The following PCDH11X variants were observed in gnomAD, a reference collection of about 807,000 sequenced individuals.
The protein encoded by PCDH11X is protocadherin-11 X-linked.
A neutral mutation model predicts 53.3 loss-of-function variants in PCDH11X; 18 were observed. The ratio of observed to expected loss-of-function variants is 0.34; its 90% confidence interval spans 0.23 to 0.50. The LOEUF (loss-of-function observed/expected upper bound fraction) is 0.50. Among genes scored for constraint, PCDH11X ranks in the 20% least tolerant of loss-of-function variants. The probability of loss-of-function intolerance (pLI) is 0.98; values close to 1 mark genes in which losing one functional copy is unlikely to be tolerated. For synonymous variants in PCDH11X, 279 were observed against 393.3 expected, an observed-to-expected ratio of 0.71 and a Z score of 3.44; for missense variants, 570 against 1,032.4, an observed-to-expected ratio of 0.55 and a Z score of 6.14.
chrX:91,823,217 C>A (rs1569396817), intron 4 of PCDH11X, among the ~76,000 whole-genome samples: 1 of 109,940 alleles, frequency 9.1e-6, no homozygotes, highest in Non-Finnish European at 1.9e-5. Flanking sequence ...GAGTTCAATT[C>A]CTGGGTATCC....
intron 6 of PCDH11X, among the ~76,000 whole-genome samples, chrX:92,148,045 CCTT>C (rs2065331745): frequency 2.1e-5 from 1 of 48,495 alleles, no homozygotes; most frequent in African/African-American, 1.8e-4. Context: ...TCTTTCCCTT[CCTT>C]CCTTCCTTCC....
At chrX:92,258,495 G>A (rs1411471218) in intron 7 of PCDH11X, among the ~76,000 whole-genome samples, 1 of 109,115 alleles carries the variant, frequency 9.2e-6, no homozygotes. Context: ...AGCCTCTGGA[G>A]TAGCTGGGAC....
At chrX:92,125,037 G>A (rs1340384530) in intron 6 of PCDH11X, among the ~76,000 whole-genome samples, 1 of 111,692 alleles carries the variant, frequency 9.0e-6, no homozygotes, top group Admixed American at 9.6e-5. Context: ...CTGTTTCATC[G>A]TGCTTTCTGA....
At chrX:92,087,265 T>C (rs2063971616) in intron 6 of PCDH11X, among the ~76,000 whole-genome samples, 1 of 108,216 alleles carries the variant, frequency 9.2e-6, no homozygotes, top group Non-Finnish European at 1.9e-5. Context: ...TGGCTAATTT[T>C]GTATTTTTTA....
chrX:92,202,992 C>T (rs2148325097), intron 7 of PCDH11X, among the ~76,000 whole-genome samples: 1 of 111,313 alleles, frequency 9.0e-6, no homozygotes, highest in African/African-American at 3.3e-5. Context: ...CACTGCACTC[C>T]AGCCTGGGCA....
chrX:92,547,774 A>C (rs1003812838), intron 10 of PCDH11X, among the ~76,000 whole-genome samples: 2 of 108,758 alleles, frequency 1.8e-5, no homozygotes, highest in Non-Finnish European at 3.8e-5. Context: ...TCTGTTGCCC[A>C]GGCTGGAGTG....
intron 9 of PCDH11X, among the ~76,000 whole-genome samples, chrX:92,398,168 A>G (rs1490524863): frequency 7.1e-5 from 8 of 111,980 alleles, no homozygotes; most frequent in Middle Eastern, 4.2e-3. Context: ...ACTGAGCCCA[A>G]TTCAATACCC....
At chrX:92,491,463 ATATT>A (rs2073764585) in intron 10 of PCDH11X, among the ~76,000 whole-genome samples, 1 of 109,871 alleles carries the variant, frequency 9.1e-6, no homozygotes, top group Non-Finnish European at 1.9e-5. Flanking sequence ...TTTATTGTCT[ATATT>A]TAAGGTGTTC....
chrX:91,874,438 A>G (rs1346082175), intron 5 of PCDH11X, among the ~76,000 whole-genome samples: 1 of 111,798 alleles, frequency 8.9e-6, no homozygotes, highest in African/African-American at 3.2e-5. Context: ...TGAGTAAAAT[A>G]GGAATAGAAT....
At chrX:92,223,460 A>G (rs915792334) in intron 7 of PCDH11X, among the ~76,000 whole-genome samples, 2 of 111,857 alleles carry the variant, frequency 1.8e-5, no homozygotes, top group South Asian at 7.4e-4. Context: ...AAGAGCAGAG[A>G]TTATTTTTAA....
At chrX:92,111,584 T>G (rs2064514432) in intron 6 of PCDH11X, among the ~76,000 whole-genome samples, 1 of 110,716 alleles carries the variant, frequency 9.0e-6, no homozygotes, top group African/African-American at 3.3e-5. Flanking sequence ...TCCAGTTTCC[T>G]TTAGTCACAA....
intron 6 of PCDH11X, among the ~76,000 whole-genome samples, chrX:91,971,836 G>A (rs1272865607): frequency 3.6e-5 from 4 of 111,162 alleles, no homozygotes; most frequent in African/African-American, 9.8e-5. Flanking sequence ...TGCTTGATAA[G>A]CTCTAAATGA....
chrX:92,568,345 G>A (rs1340666387), intron 10 of PCDH11X, among the ~76,000 whole-genome samples: 10 of 109,072 alleles, frequency 9.2e-5, no homozygotes, highest in Non-Finnish European at 1.7e-4. Flanking sequence ...CAGCGTGAAC[G>A]TGGGAGGCGG....
chrX:92,054,945 A>G (rs762839866), intron 6 of PCDH11X, among the ~76,000 whole-genome samples: 1 of 96,098 alleles, frequency 1.0e-5, no homozygotes, highest in Non-Finnish European at 2.1e-5. Context: ...CAGTTGCTCA[A>G]AAGAAGTTAT....
At chrX:91,868,825 C>T (rs1939128769) in intron 5 of PCDH11X, among the ~76,000 whole-genome samples, 1 of 111,054 alleles carries the variant, frequency 9.0e-6, no homozygotes, top group African/African-American at 3.3e-5. Context: ...AGATCATTAC[C>T]CTGCTTCTTT....
chrX:91,957,419 C>T (rs2061724191), intron 6 of PCDH11X, among the ~76,000 whole-genome samples: 1 of 110,935 alleles, frequency 9.0e-6, no homozygotes, highest in Admixed American at 9.6e-5. Flanking sequence ...TTTTAGGTTG[C>T]TGACCTGTGA....
intron 6 of PCDH11X, among the ~76,000 whole-genome samples, chrX:92,106,572 A>C (rs1466937554): frequency 8.9e-6 from 1 of 111,798 alleles, no homozygotes; most frequent in African/African-American, 3.3e-5. Context: ...GATATCTACT[A>C]TTTGATTTGG....
intron 6 of PCDH11X, among the ~76,000 whole-genome samples, chrX:92,091,360 T>C (rs1450125448): frequency 1.8e-5 from 2 of 110,463 alleles, no homozygotes; most frequent in African/African-American, 6.6e-5. Context: ...AGACTTCCTG[T>C]CTTCTCTGTG....
chrX:92,271,056 A>G, intron 8 of PCDH11X, among the ~76,000 whole-genome samples: 1 of 112,093 alleles, frequency 8.9e-6, no homozygotes, highest in Middle Eastern at 4.6e-3. Context: ...AGTTAAGATA[A>G]GATAGCCAGA....
Sources: gnomAD v4.1 joint callset for allele counts (sites outside exome capture counted in the v4.1 genomes callset) on GRCh38, gnomAD v4.1.1 for gene constraint, MANE v1.5 for transcripts, NCBI Gene and HGNC (gene_info 2026-07-23, HGNC 2026-07-21) for gene names.